The following CYB561D2 variants were observed in gnomAD, a reference collection of about 807,000 sequenced individuals.
CYB561D2 encodes the protein cytochrome b561 family member D2.
CYB561D2 carries 16 observed loss-of-function variants against 20.2 expected under a neutral mutation model. That is an observed-to-expected ratio of 0.79 (90% CI 0.53 to 1.20). The LOEUF (loss-of-function observed/expected upper bound fraction) is 1.20. CYB561D2 is among the 50% of genes most tolerant of loss of function. The probability of loss-of-function intolerance (pLI) is 0.00; values close to 1 mark genes in which losing one functional copy is unlikely to be tolerated. For synonymous variants in CYB561D2, 135 were observed against 128.3 expected, an observed-to-expected ratio of 1.05 and a Z score of -0.35; for missense variants, 247 against 270.3, an observed-to-expected ratio of 0.91 and a Z score of 0.60.
At chr3:50,351,195 C>T (rs1470953291) in intron 1 of CYB561D2, 4 of 540,398 alleles carry the variant, frequency 7.4e-6, no homozygotes, top group African/African-American at 5.8e-5. Flanking sequence ...GGAAGGCGGG[C>T]CAGCGATTGG....
At chr3:50,351,880 C>A in intron 2 of CYB561D2, 129 bp from the exon 3 acceptor site, 1 of 1,135,694 alleles carries the variant, frequency 8.8e-7, no homozygotes, top group Non-Finnish European at 1.3e-6. Flanking sequence ...TGTTGCAGAG[C>A]AAGAAGGGGC....
rs772381821 is a variant in CYB561D2 at position 50,353,259 on chromosome 3, G to A, written c.184G>A (p.Glu62Lys). The change falls in exon 4 of 4, where the codon GAG becomes AAG. Residue 62 changes from glutamate (E) to lysine (K), a missense_variant. By Grantham distance (56) the Glu-to-Lys change is moderately conservative. Transcript: ENST00000425346. Reference protein sequence around the residue: ...MSLAFSFLMTEALLVFSPESS... With the variant: ...MSLAFSFLMTKALLVFSPESS... Reference sequence around the variant, plus strand: ...TCCTCAGTTCTCCTTCCTGATGACCGAGGCACTACTGGTGTTTTCTCCTGA... The same window carrying A: ...TCCTCAGTTCTCCTTCCTGATGACCAAGGCACTACTGGTGTTTTCTCCTGA... 38 of 1,567,706 alleles carry A rather than the reference G, an allele frequency of 2.4e-5. No individual in the cohort carries two copies. In the East Asian group the frequency reaches 7.7e-4, roughly 32 times the overall value.
At chr3:50,351,153 T>C in intron 1 of CYB561D2, 169 bp downstream of exon 1, 1 of 488,624 alleles carries the variant, frequency 2.0e-6, no homozygotes, top group Non-Finnish European at 3.5e-6. Context: ...CGCTGGGATT[T>C]GTAGTCTTAC....
At chr3:50,351,909 TC>T in intron 2 of CYB561D2, 99 bp from the exon 3 acceptor site, 1 of 1,463,166 alleles carries the variant, frequency 6.8e-7, no homozygotes, top group Non-Finnish European at 9.6e-7. Context: ...TGGCAGCACC[TC>T]CTTGGGTGAT....
intron 3 of CYB561D2, 88 bp from the exon 4 acceptor site, chr3:50,353,153 T>C (rs1457892937): frequency 2.7e-6 from 4 of 1,489,278 alleles, no homozygotes; most frequent in Non-Finnish European, 3.6e-6. Flanking sequence ...CAGCCCAGAC[T>C]CACTGGCAGC....
rs1405569473 is a variant in CYB561D2, at chr3:50,353,290, C to T, written c.215C>T (p.Ser72Leu). 2.0e-5 allele frequency: 32 copies of T among 1,593,962 alleles called. No homozygotes were observed. Among genetic ancestry groups the T allele is most frequent in the Non-Finnish European group, 2.7e-5 (32 of 1,165,168 alleles). The part of the protein sequence containing the change: ...EALLVFSPES[S>L]LLHSLSRKGR... ...CTACTGGTGTTTTCTCCTGAGAGTT[C>T]GCTGCTGCACTCCCTCTCACGGAAA... Residue 72 changes from serine (S) to leucine (L), a missense_variant, in exon 4 of 4, where the codon TCG (serine) becomes TTG (leucine). Coordinates refer to ENST00000425346, the MANE Select transcript of CYB561D2 (RefSeq NM_001291284.2).
intron 1 of CYB561D2, 170 bp from the exon 2 acceptor site, chr3:50,351,239 C>A: frequency 2.8e-6 from 2 of 712,318 alleles, no homozygotes; most frequent in Admixed American, 3.5e-5. Flanking sequence ...GTTGACAGGC[C>A]GCCGGCCGTC....
chr3:50,351,402 C>T lies in CYB561D2; in HGVS notation c.-25-7C>T. The T allele has an allele frequency of 6.2e-7, 1 of 1,608,354 alleles. No homozygotes were observed. The highest frequency in any genetic ancestry group is 2.2e-5 in the East Asian group (1 of 44,730). On this transcript the variant is annotated splice_region_variant and splice_polypyrimidine_tract_variant and intron_variant, in intron 1 of 3. Transcript: ENST00000425346. ...TGAGATCCTGGCCCACGCTACTATG[C>T]TTTCAGGCTACAACCACTAGCACGG...
Position 50,353,810 on chromosome 3 carries a change from T to C in CYB561D2, c.*66T>C, listed in dbSNP as rs587611473. On this transcript the variant is annotated 3_prime_UTR_variant, in exon 4 of 4. Transcript: ENST00000425346. ...TGTAGGAGCTGGGCCTAGGGACCTG[T>C]TGAACTCTCTCAGCTGAGTCAGGGG... The C allele has an allele frequency of 2.2e-5, 34 of 1,520,488 alleles. No homozygotes were observed. In the Admixed American group the frequency reaches 5.8e-4, roughly 26 times the overall value. The allele number at this position is 1,520,488 out of a possible 1,614,324, so 94.2% of individuals were successfully genotyped here. A position where few individuals can be genotyped will look rare whatever the true frequency, so the allele number is the denominator to read the frequency against.
chr3:50,353,260 A>G lies in CYB561D2; in HGVS notation c.185A>G (p.Glu62Gly). 6.4e-7 allele frequency: 1 copy of G among 1,571,516 alleles called. No individual in the cohort carries two copies. Among genetic ancestry groups the G allele is most frequent in the South Asian group, 1.2e-5 (1 of 86,732 alleles). The change falls in exon 4 of 4, where the codon GAG becomes GGG. Residue 62 changes from glutamate (E) to glycine (G), a missense_variant. Physicochemically the swap from Glu to Gly is moderately conservative, Grantham distance 98. Coordinates refer to ENST00000425346, the MANE Select transcript of CYB561D2 (RefSeq NM_001291284.2). ...MSLAFSFLMT[E>G]ALLVFSPESS... is the part of the protein sequence containing the mutation. ...CCTCAGTTCTCCTTCCTGATGACCG[A>G]GGCACTACTGGTGTTTTCTCCTGAG...
Position 50,350,863 on chromosome 3 carries a change from G to T in CYB561D2, c.-147G>T. On this transcript the variant is annotated 5_prime_UTR_variant, in exon 1 of 4. Coordinates refer to ENST00000425346, the MANE Select transcript of CYB561D2 (RefSeq NM_001291284.2). This position sits in a 1 kb window ranked among gnomAD's most constrained non-coding sequence, Gnocchi z 5.7. ...CGTCCCAGGAAGTCCTGGGTGGGTA[G>T]ACGTCGCACCCGGAAGTAAAGCGGC... 1 of 1,407,410 alleles carries T rather than the reference G, an allele frequency of 7.1e-7. No individual in the cohort carries two copies. The highest frequency in any genetic ancestry group is 9.2e-7 in the Non-Finnish European group (1 of 1,086,844). The allele number at this position is 1,407,410 out of a possible 1,614,324, so 87.2% of individuals were successfully genotyped here. A position where few individuals can be genotyped will look rare whatever the true frequency, so the allele number is the denominator to read the frequency against.
Position 50,353,648 on chromosome 3 carries a change from C to T in CYB561D2, c.573C>T (p.Ala191=). The change falls in exon 4 of 4, where the codon GCC becomes GCT. Residue 191 remains alanine, a synonymous_variant. Transcript: ENST00000425346. ...TCACTGCCTCTGTCACTGGTGCAGC[C>T]TGGTACCTGGCTGTATTATGCCCTG... The part of the protein sequence containing the change: ...LWFTASVTGA[A]WYLAVLCPVL... 1 of 1,613,642 alleles carries T rather than the reference C, an allele frequency of 6.2e-7. No individual in the cohort carries two copies. The highest frequency in any genetic ancestry group is 8.5e-7 in the Non-Finnish European group (1 of 1,180,042).
At chr3:50,351,670 C>A in intron 2 of CYB561D2, 110 bp downstream of exon 2, 1 of 1,457,874 alleles carries the variant, frequency 6.9e-7, no homozygotes, top group Non-Finnish European at 9.2e-7. Flanking sequence ...GAATTCTGTG[C>A]TGGAGCGATG....
rs1029203897 is a variant in CYB561D2 at position 50,351,507 on chromosome 3, T to C, written c.74T>C (p.Leu25Pro). Residue 25 changes from leucine to proline, a missense_variant, in exon 2 of 4, where the codon CTT becomes CCT. Leu to Pro is a moderately conservative substitution (Grantham distance 98). Coordinates refer to ENST00000425346, the MANE Select transcript of CYB561D2 (RefSeq NM_001291284.2). ...ACTGCTTCTGGCGCTGCCGCCCACC[T>C]TGTGGCCCTGGGCTTTACCATCTTT... Reference protein sequence around the residue: ...LRTASGAAAHLVALGFTIFVA... With the variant: ...LRTASGAAAHPVALGFTIFVA... 1 of 1,613,050 alleles carries C rather than the reference T, an allele frequency of 6.2e-7. No homozygotes were observed.
intron 3 of CYB561D2, 24 bp downstream of exon 3, chr3:50,352,070 C>G (rs1276615407): frequency 6.2e-7 from 1 of 1,613,616 alleles, no homozygotes; most frequent in Non-Finnish European, 8.5e-7. Flanking sequence ...CTGGGCAGTT[C>G]TTAGGGGTGG....
In CYB561D2 at chr3:50,353,438, G is replaced by A. The variant is rs1389299970; in HGVS notation, c.363G>A (p.Gly121=). The A allele has an allele frequency of 6.2e-7, 1 of 1,613,262 alleles. No individual in the cohort carries two copies. Among genetic ancestry groups the A allele is most frequent in the Non-Finnish European group, 8.5e-7 (1 of 1,180,014 alleles). ...AAGCCCACCTGGTTACGCGGCATGG[G>A]CAGGCAGGGCTGCTGGCTGTGCTGT... The part of the protein sequence containing the change: ...LGKAHLVTRH[G]QAGLLAVLWA... The change falls in exon 4 of 4, where the codon GGG becomes GGA. Residue 121 remains glycine, a synonymous_variant. Transcript: ENST00000425346.
chr3:50,350,875 G>T lies in CYB561D2; in HGVS notation c.-135G>T. ...TCCTGGGTGGGTAGACGTCGCACCC[G>T]GAAGTAAAGCGGCTCCGTGACGGAG... is the stretch of plus-strand genomic sequence containing the variant. On this transcript the variant is annotated 5_prime_UTR_variant, in exon 1 of 4. Transcript: ENST00000425346. The surrounding 1 kb of genome is among the most constrained non-coding windows in gnomAD (Gnocchi z 5.7). 4 of 1,404,586 alleles carry T rather than the reference G, an allele frequency of 2.8e-6. No homozygotes were observed. Among genetic ancestry groups the T allele is most frequent in the Non-Finnish European group, 3.7e-6 (4 of 1,085,638 alleles). The allele number at this position is 1,404,586 out of a possible 1,614,324, so 87.0% of individuals were successfully genotyped here. A position where few individuals can be genotyped will look rare whatever the true frequency, so the allele number is the denominator to read the frequency against.
Position 50,353,745 on chromosome 3 carries a change from G to A in CYB561D2, c.*1G>A. 3 of 1,586,438 alleles carry A rather than the reference G, an allele frequency of 1.9e-6. No individual in the cohort carries two copies. Among genetic ancestry groups the A allele is most frequent in the Non-Finnish European group, 2.6e-6 (3 of 1,162,756 alleles). On this transcript the variant is annotated 3_prime_UTR_variant, in exon 4 of 4. Coordinates refer to ENST00000425346, the MANE Select transcript of CYB561D2 (RefSeq NM_001291284.2). ...ATACCGCAAGAGGATCCAACCATGA[G>A]CTCTTCCCAGCCTAGGGGAAGCCTG... is the stretch of plus-strand genomic sequence containing the variant.
Position 50,353,676 on chromosome 3 carries a change from C to G in CYB561D2, c.601C>G (p.Leu201Val). 6.2e-7 allele frequency: 1 copy of G among 1,613,378 alleles called. No individual in the cohort carries two copies. Among genetic ancestry groups the G allele is most frequent in the Non-Finnish European group, 8.5e-7 (1 of 1,180,022 alleles). The change falls in exon 4 of 4, where the codon CTC (leucine) becomes GTC (valine). Residue 201 changes from leucine (L) to valine (V), a missense_variant. Physicochemically the swap from Leu to Val is conservative, Grantham distance 32. Coordinates refer to ENST00000425346, the MANE Select transcript of CYB561D2 (RefSeq NM_001291284.2). The stretch of plus-strand genomic sequence containing the variant: ...GTACCTGGCTGTATTATGCCCTGTC[C>G]TCACCAGCTTGGTCATTATGAACCA... ...AWYLAVLCPV[L>V]TSLVIMNQVS...
Sources: allele counts gnomAD v4.1 joint callset, GRCh38; gene constraint gnomAD v4.1.1; non-coding constraint Gnocchi (gnomAD v3.1); transcripts MANE v1.5; gene names NCBI Gene and HGNC (gene_info 2026-07-23, HGNC 2026-07-21).